ARB2A: variants seen among roughly 807,000 people sequenced by gnomAD.
ARB2A encodes ARB2 cotranscriptional regulator A.
chr5:94,026,446 T>A, the ARB2A span, among the ~76,000 whole-genome samples: 4 of 152,092 alleles, frequency 2.6e-5, no homozygotes, highest in Non-Finnish European at 5.9e-5. Flanking sequence ...GAAACAGTTC[T>A]CAGTGGAGAA....
chr5:94,043,791 A>G, the ARB2A span, among the ~76,000 whole-genome samples: 2 of 152,242 alleles, frequency 1.3e-5, no homozygotes, highest in Non-Finnish European at 2.9e-5. Context: ...CAGCTTTTAA[A>G]AAGTCTTATC....
At chr5:93,836,718 G>A in the ARB2A span, among the ~76,000 whole-genome samples, 3 of 152,078 alleles carry the variant, frequency 2.0e-5, no homozygotes, top group Non-Finnish European at 4.4e-5. Flanking sequence ...TATACTGGAT[G>A]CATAAAAGTA....
chr5:94,001,008 C>A, the ARB2A span, among the ~76,000 whole-genome samples: 1 of 152,032 alleles, frequency 6.6e-6, no homozygotes, highest in East Asian at 1.9e-4. Flanking sequence ...ATTGTTCTAT[C>A]TGTCTATTAC....
chr5:94,079,249 G>C, the ARB2A span, among the ~76,000 whole-genome samples: 1 of 152,026 alleles, frequency 6.6e-6, no homozygotes, highest in Non-Finnish European at 1.5e-5. Context: ...ATGCATGCTT[G>C]AACAAAGATC....
At chr5:93,846,582 T>C in the ARB2A span, among the ~76,000 whole-genome samples, 1 of 152,058 alleles carries the variant, frequency 6.6e-6, no homozygotes, top group African/African-American at 2.4e-5. Context: ...ACATAATAAA[T>C]ATTTGATTTC....
At chr5:94,058,864 G>C in the ARB2A span, among the ~76,000 whole-genome samples, 1 of 152,112 alleles carries the variant, frequency 6.6e-6, no homozygotes, top group Non-Finnish European at 1.5e-5. Flanking sequence ...TTTGGGTCAT[G>C]GGGGCAGAAC....
the ARB2A span, among the ~76,000 whole-genome samples, chr5:93,925,018 G>T: frequency 6.6e-6 from 1 of 151,984 alleles, no homozygotes; most frequent in Non-Finnish European, 1.5e-5. Flanking sequence ...TCATTAAGGT[G>T]ATCAATCTTA....
At chr5:93,773,131 A>T in the ARB2A span, among the ~76,000 whole-genome samples, 9 of 152,250 alleles carry the variant, frequency 5.9e-5, no homozygotes, top group Admixed American at 5.2e-4. Context: ...CCACTAGTAG[A>T]GGTCTTGCTT....
chr5:93,816,611 G>C, the ARB2A span, among the ~76,000 whole-genome samples: 2 of 151,972 alleles, frequency 1.3e-5, no homozygotes, highest in East Asian at 3.9e-4. Context: ...TCTACTATGT[G>C]GACACTAAGA....
the ARB2A span, among the ~76,000 whole-genome samples, chr5:93,883,628 C>T: frequency 6.6e-6 from 1 of 151,548 alleles, no homozygotes; most frequent in South Asian, 2.1e-4. Flanking sequence ...TACCCCTCTT[C>T]CTTGTGCCTC....
chr5:93,976,500 C>A, the ARB2A span, among the ~76,000 whole-genome samples: 1 of 152,196 alleles, frequency 6.6e-6, no homozygotes, highest in Non-Finnish European at 1.5e-5. Flanking sequence ...TAATCCCCAC[C>A]TCTCAAGGGA....
At chr5:93,979,621 GCT>G in the ARB2A span, among the ~76,000 whole-genome samples, 1 of 151,796 alleles carries the variant, frequency 6.6e-6, no homozygotes, top group African/African-American at 2.4e-5. Context: ...ACTTTTTCCT[GCT>G]CTTACATTTT....
the ARB2A span, among the ~76,000 whole-genome samples, chr5:93,799,423 T>A: frequency 6.6e-6 from 1 of 152,140 alleles, no homozygotes. Context: ...CCATCTTTTC[T>A]ATAGACATAC....
chr5:93,798,604 GAAGAA>G, the ARB2A span, among the ~76,000 whole-genome samples: 1 of 152,004 alleles, frequency 6.6e-6, no homozygotes, highest in Non-Finnish European at 1.5e-5. Context: ...CCATCACATA[GAAGAA>G]AAGAATGAAA....
At chr5:93,997,266 G>C in the ARB2A span, among the ~76,000 whole-genome samples, 2 of 151,940 alleles carry the variant, frequency 1.3e-5, no homozygotes, top group African/African-American at 4.8e-5. Flanking sequence ...GCTAAACCAG[G>C]TTTTAGTAAA....
the ARB2A span, chr5:93,682,992 C>T: frequency 6.3e-7 from 1 of 1,582,756 alleles, no homozygotes; most frequent in Non-Finnish European, 8.6e-7. Flanking sequence ...ATGTCTTCTA[C>T]AGAACTAGGT....
chr5:94,071,957 T>G, the ARB2A span, among the ~76,000 whole-genome samples: 1 of 152,072 alleles, frequency 6.6e-6, no homozygotes, highest in African/African-American at 2.4e-5. Context: ...AAAACTGGAA[T>G]CAATCCAAAT....
chr5:93,698,251 TATTA>T, the ARB2A span, among the ~76,000 whole-genome samples: 1 of 152,240 alleles, frequency 6.6e-6, no homozygotes, highest in South Asian at 2.1e-4. Context: ...GCATTACATT[TATTA>T]ATTAATTCAA....
chr5:93,869,934 ATAAACAGCCTTGTT>A, the ARB2A span, among the ~76,000 whole-genome samples: 1 of 152,234 alleles, frequency 6.6e-6, no homozygotes, highest in Non-Finnish European at 1.5e-5. Context: ...CCCAGGTGAA[ATAAACAGCCTTGTT>A]GCTCACACAA....
Sources: gnomAD v4.1 joint callset for allele counts (sites outside exome capture counted in the v4.1 genomes callset) on GRCh38, gnomAD v4.1.1 for gene constraint, MANE v1.5 for transcripts, NCBI Gene and HGNC (gene_info 2026-07-23, HGNC 2026-07-21) for gene names.